The following TMEM213 variants were observed in gnomAD, a reference collection of about 807,000 sequenced individuals.
The protein encoded by TMEM213 is transmembrane protein 213.
In TMEM213, 7 loss-of-function variants were observed where a neutral mutation model predicts 11.6. The ratio of observed to expected loss-of-function variants is 0.60; its 90% CI spans 0.34 to 1.13. The LOEUF (loss-of-function observed/expected upper bound fraction) is 1.13, where lower values mean the gene tolerates loss of function less well. Ranked by LOEUF, TMEM213 falls within the 50% of genes most tolerant of loss-of-function variation. The pLI is 0.03. For missense variants in TMEM213, 129 were observed against 139.0 expected, an observed-to-expected ratio of 0.93 and a Z score of 0.36; for synonymous variants, 60 against 58.3, an observed-to-expected ratio of 1.03 and a Z score of -0.13.
At chr7:138,801,465 C>T in intron 2 of TMEM213, 67 bp downstream of exon 2, 1 of 1,459,342 alleles carries the variant, frequency 6.9e-7, no homozygotes, top group South Asian at 1.2e-5. Context: ...AAACAAAGGC[C>T]TCCCCGCTTT....
chr7:138,804,553 T>C lies in TMEM213; in HGVS notation c.*1484T>C, dbSNP rs899749135. ...CAGTTGTTGTGAATGGGCCACTCCA[T>C]AGTTTATCCTTCCTCACACCCCTGG... On this transcript the variant is annotated 3_prime_UTR_variant, in exon 3 of 3. Transcript: ENST00000442682. The C allele has an allele frequency of 6.6e-6, 1 of 152,326 alleles. No homozygotes were observed. The highest frequency in any genetic ancestry group is 1.5e-5 in the Non-Finnish European group (1 of 68,132). 9.4% of individuals were successfully genotyped at this position (152,326 alleles called of 1,614,324 possible). A position where few individuals can be genotyped will look rare whatever the true frequency, so the allele number is the denominator to read the frequency against.
chr7:138,798,236 G>A, intron 1 of TMEM213, 50 bp downstream of exon 1: 1 of 1,510,088 alleles, frequency 6.6e-7, no homozygotes, highest in Non-Finnish European at 9.0e-7. Context: ...GGGAGGGAAG[G>A]AGGGAAGAGA....
At position 138,806,067 on chromosome 7, in the gene TMEM213, C is replaced by T. The variant is rs1470839853; in HGVS notation, c.*2998C>T. ...GCACAAGAGGAAGGAGAGAACGAATCAATACAACCACTCTTTTCCTTGAGA... is the reference window on the plus strand; with the variant it reads ...GCACAAGAGGAAGGAGAGAACGAATTAATACAACCACTCTTTTCCTTGAGA... On this transcript the variant is annotated 3_prime_UTR_variant, in exon 3 of 3. Coordinates refer to ENST00000442682, the MANE Select transcript of TMEM213 (RefSeq NM_001085429.2). 6.6e-6 allele frequency: 1 copy of T among 152,184 alleles called. No homozygotes were observed. The highest frequency in any genetic ancestry group is 1.5e-5 in the Non-Finnish European group (1 of 68,038). 9.4% of individuals were successfully genotyped at this position (152,184 alleles called of 1,614,324 possible). A position where few individuals can be genotyped will look rare whatever the true frequency, so the allele number is the denominator to read the frequency against.
chr7:138,802,411 T>TCC (rs1207625907), intron 2 of TMEM213, among the ~76,000 whole-genome samples: 1 of 151,504 alleles, frequency 6.6e-6, no homozygotes, highest in Non-Finnish European at 1.5e-5. Context: ...ATTAGCTGGG[T>TCC]GTGGTGGTGC....
chr7:138,798,440 C>T, intron 1 of TMEM213: 1 of 545,508 alleles, frequency 1.8e-6, no homozygotes, highest in Non-Finnish European at 3.3e-6. Context: ...CAGGAGCAGC[C>T]ACCTCTCTTG....
intron 1 of TMEM213, among the ~76,000 whole-genome samples, chr7:138,799,933 A>C (rs1056439126): frequency 1.3e-5 from 2 of 152,058 alleles, no homozygotes; most frequent in African/African-American, 4.8e-5. Flanking sequence ...TGTGACAACA[A>C]GCTCCCTTGA....
chr7:138,802,994 C>T lies in TMEM213; in HGVS notation c.249C>T (p.Phe83=). The change falls in exon 3 of 3, where the codon TTC becomes TTT. Residue 83 remains phenylalanine, a synonymous_variant. Transcript: ENST00000442682. ...CAGCTGTTGGCTGGAGCCTCTGGTT[C>T]CTCACCCTCATCCTGCTCTGTGTGG... ...IAAAVGWSLW[F]LTLILLCVDK... 2 of 1,613,672 alleles carry T rather than the reference C, an allele frequency of 1.2e-6. No individual in the cohort carries two copies. Among genetic ancestry groups the T allele is most frequent in the Non-Finnish European group, 1.7e-6 (2 of 1,179,866 alleles).
rs1303095202 is a variant in TMEM213 at position 138,804,438 on chromosome 7, C to T, written c.*1369C>T. The T allele has an allele frequency of 6.6e-6, 1 of 152,242 alleles. No homozygotes were observed. Among genetic ancestry groups the T allele is most frequent in the Admixed American group, 6.5e-5 (1 of 15,278 alleles). The allele number at this position is 152,242 out of a possible 1,614,324, so 9.4% of individuals were successfully genotyped here. A position where few individuals can be genotyped will look rare whatever the true frequency, so the allele number is the denominator to read the frequency against. On this transcript the variant is annotated 3_prime_UTR_variant, in exon 3 of 3. Coordinates refer to ENST00000442682, the MANE Select transcript of TMEM213 (RefSeq NM_001085429.2). ...CAAGGATATTCCTCCAAGCCCAGCT[C>T]GAATGCTTGATCTGCCTGGAGCCTT...
rs1809002822 is a variant in TMEM213 at position 138,803,136 on chromosome 7, G to T, written c.*67G>T. The T allele has an allele frequency of 9.9e-6, 15 of 1,522,566 alleles. No individual in the cohort carries two copies. The highest frequency in any genetic ancestry group is 1.2e-5 in the Non-Finnish European group (13 of 1,125,014). The allele number at this position is 1,522,566 out of a possible 1,614,324, so 94.3% of individuals were successfully genotyped here. A position where few individuals can be genotyped will look rare whatever the true frequency, so the allele number is the denominator to read the frequency against. On this transcript the variant is annotated 3_prime_UTR_variant, in exon 3 of 3. Transcript: ENST00000442682. ...GTGGCTAATGGGGAAGGGGAGTAAG[G>T]CTAACATGGTTTCTATTATTTAAGT...
rs1343706389 is a variant in TMEM213, at chr7:138,798,273, G to C, written c.82+87G>C. The C allele has an allele frequency of 6.1e-6, 7 of 1,152,856 alleles. No individual in the cohort carries two copies. The East Asian group carries it at 3.1e-4, about 51-fold the overall frequency. The allele number at this position is 1,152,856 out of a possible 1,614,324, so 71.4% of individuals were successfully genotyped here. A position where few individuals can be genotyped will look rare whatever the true frequency, so the allele number is the denominator to read the frequency against. ...GTGGGAGGGAAAGAAGGAGGAGGGGGAAGATTCTTTGGCCAGGGTTGGTCC... is the reference window on the plus strand; with the variant it reads ...GTGGGAGGGAAAGAAGGAGGAGGGGCAAGATTCTTTGGCCAGGGTTGGTCC... On this transcript the variant is annotated intron_variant, in intron 1 of 2. Coordinates refer to ENST00000442682, the MANE Select transcript of TMEM213 (RefSeq NM_001085429.2).
rs1231250327 is a variant in TMEM213, at chr7:138,804,852, GAAGA to G, written c.*1791_*1794del. The stretch of plus-strand genomic sequence containing the variant: ...AGAGGAGGAGAGGGCAGGTTCATCA[GAAGA>G]AAGAAAGGACAAAATGACTCCTTAT... On this transcript the variant is annotated 3_prime_UTR_variant, in exon 3 of 3. Coordinates refer to ENST00000442682, the MANE Select transcript of TMEM213 (RefSeq NM_001085429.2). 1.3e-5 allele frequency: 2 copies of G among 152,180 alleles called. No individual in the cohort carries two copies. Among genetic ancestry groups the G allele is most frequent in the African/African-American group, 4.8e-5 (2 of 41,444 alleles). The allele number at this position is 152,180 out of a possible 1,614,324, so 9.4% of individuals were successfully genotyped here.
intron 2 of TMEM213, among the ~76,000 whole-genome samples, chr7:138,802,134 C>T (rs183838161): frequency 8.0e-4 from 121 of 151,574 alleles, no homozygotes; most frequent in Non-Finnish European, 1.4e-3. Flanking sequence ...CCACTGCACT[C>T]CAGCCTGGGC....
At chr7:138,798,816 T>C (rs1808824019) in intron 1 of TMEM213, among the ~76,000 whole-genome samples, 1 of 152,184 alleles carries the variant, frequency 6.6e-6, no homozygotes. Context: ...GGCCGGGTTC[T>C]GCAACTCACG....
intron 2 of TMEM213, among the ~76,000 whole-genome samples, chr7:138,802,423 T>C (rs943129505): frequency 1.8e-4 from 28 of 151,494 alleles, no homozygotes; most frequent in Non-Finnish European, 1.0e-4. Context: ...TGGTGGTGCG[T>C]GCCTGTAATC....
chr7:138,798,641 C>T (rs192691391), intron 1 of TMEM213, among the ~76,000 whole-genome samples: 2 of 152,230 alleles, frequency 1.3e-5, no homozygotes, highest in African/African-American at 4.8e-5. Flanking sequence ...CCCTCCCTGC[C>T]CCTTGTACTT....
At chr7:138,802,433 C>A (rs111291737) in intron 2 of TMEM213, among the ~76,000 whole-genome samples, 16,391 of 150,810 alleles carry the variant, frequency 0.11, 916 homozygotes, top group Non-Finnish European at 0.13. Flanking sequence ...TGCCTGTAAT[C>A]CCAGCTACTT....
At chr7:138,800,692 CTTCTTCTTCTTCT>C (rs1415000963) in intron 1 of TMEM213, among the ~76,000 whole-genome samples, 2 of 87,078 alleles carry the variant, frequency 2.3e-5, no homozygotes, top group African/African-American at 8.2e-5. Context: ...TCTTCTTCTT[CTTCTTCTTCTTCT>C]TTTTTTTTTT....
intron 2 of TMEM213, among the ~76,000 whole-genome samples, chr7:138,802,347 C>T (rs1197334105): frequency 6.6e-6 from 1 of 151,942 alleles, no homozygotes; most frequent in Non-Finnish European, 1.5e-5. Context: ...GCCAGGAGTT[C>T]AAGACCAGCC....
At position 138,805,551 on chromosome 7, in the gene TMEM213, T is replaced by C. The variant is rs1184366782; in HGVS notation, c.*2482T>C. ...AGATGAAAAGATTCATTAAGGTGCATGCTTTGATTTAACATCTGCAAACAT... is the reference window on the plus strand; with the variant it reads ...AGATGAAAAGATTCATTAAGGTGCACGCTTTGATTTAACATCTGCAAACAT... On this transcript the variant is annotated 3_prime_UTR_variant, in exon 3 of 3. Coordinates refer to ENST00000442682, the MANE Select transcript of TMEM213 (RefSeq NM_001085429.2). The C allele has an allele frequency of 6.6e-6, 1 of 152,230 alleles. No individual in the cohort carries two copies. The highest frequency in any genetic ancestry group is 2.4e-5 in the African/African-American group (1 of 41,456). The allele number at this position is 152,230 out of a possible 1,614,324, so 9.4% of individuals were successfully genotyped here.
Sources: allele counts gnomAD v4.1 joint callset (sites outside exome capture counted in the v4.1 genomes callset), GRCh38; gene constraint gnomAD v4.1.1; transcripts MANE v1.5; gene names NCBI Gene and HGNC (gene_info 2026-07-23, HGNC 2026-07-21).